Variants in SNX9 observed in about 807,000 individuals in gnomAD.
SNX9 encodes the protein sorting nexin-9.
SNX9 carries 44 observed loss-of-function variants against 89.4 expected under a neutral mutation model. That is an observed-to-expected ratio of 0.49 (90% CI 0.39 to 0.63). The LOEUF (loss-of-function observed/expected upper bound fraction) is 0.63. SNX9 is among the 30% of genes least tolerant of loss of function. The pLI is 0.00. For missense variants in SNX9, 578 were observed against 736.1 expected (o/e 0.79, Z 2.49); for synonymous variants, 236 against 247.8 (o/e 0.95, Z 0.45).
At chr6:157,900,622 T>A (rs1398062437) in intron 5 of SNX9, among the ~76,000 whole-genome samples, 1 of 152,058 alleles carries the variant, frequency 6.6e-6, no homozygotes, top group African/African-American at 2.4e-5. Flanking sequence ...AGTGAGGGAT[T>A]TAGGGTCATT....
chr6:157,913,030 A>G (rs1186503063), intron 9 of SNX9, among the ~76,000 whole-genome samples: 1 of 152,232 alleles, frequency 6.6e-6, no homozygotes, highest in Non-Finnish European at 1.5e-5. Flanking sequence ...AATTTCAACC[A>G]ATGATAGGAT....
chr6:157,845,031 C>T (rs1781778100), intron 1 of SNX9, among the ~76,000 whole-genome samples: 1 of 151,442 alleles, frequency 6.6e-6, no homozygotes, highest in Non-Finnish European at 1.5e-5. Flanking sequence ...CCTTCATTGT[C>T]TCAGTCATAA....
rs1426753738 is a variant in SNX9, at chr6:157,827,029, CAT to C, written c.12+3590_12+3591del. Among the ~76,000 whole-genome samples the C allele has an allele frequency of 1.7e-3, 17 of 10,208 alleles. 2 individuals are homozygous for C. Among genetic ancestry groups the C allele is most frequent in the South Asian group, 5.2e-3 (1 of 192 alleles). 6.7% of individuals were successfully genotyped at this position (10,208 alleles called of 152,430 possible). On this transcript the variant is annotated intron_variant, in intron 1 of 17. Coordinates refer to ENST00000392185, the MANE Select transcript of SNX9 (RefSeq NM_016224.5). The stretch of plus-strand genomic sequence containing the variant: ...TATATTATAGTTTATATAATATATA[CAT>C]ATATATTATAGTTTATATAATATAT...
chr6:157,942,005 G>C (rs905100323), intron 17 of SNX9, among the ~76,000 whole-genome samples: 1 of 152,114 alleles, frequency 6.6e-6, no homozygotes, highest in Non-Finnish European at 1.5e-5. Flanking sequence ...ATAATGCAAG[G>C]GCAACTCTCA....
intron 9 of SNX9, among the ~76,000 whole-genome samples, chr6:157,915,661 A>G (rs1783451800): frequency 7.3e-6 from 1 of 137,092 alleles, no homozygotes; most frequent in African/African-American, 2.8e-5. Flanking sequence ...ATATATACAC[A>G]CACACACACA....
intron 4 of SNX9, among the ~76,000 whole-genome samples, chr6:157,885,610 G>T (rs539718466): frequency 6.6e-6 from 1 of 152,316 alleles, no homozygotes; most frequent in African/African-American, 2.4e-5. Flanking sequence ...ACGTGGTATA[G>T]TCGTAAGATG....
At chr6:157,933,719 A>G (rs1477874232) in intron 13 of SNX9, among the ~76,000 whole-genome samples, 2 of 152,158 alleles carry the variant, frequency 1.3e-5, no homozygotes, top group East Asian at 1.9e-4. Flanking sequence ...TGGCTCTGTG[A>G]TGTCTCAACA....
chr6:157,838,973 A>G (rs1299220389), intron 1 of SNX9, among the ~76,000 whole-genome samples: 1 of 152,234 alleles, frequency 6.6e-6, no homozygotes, highest in Admixed American at 6.5e-5. Flanking sequence ...TTTGATTTCC[A>G]GGTAAGCTGT....
intron 9 of SNX9, among the ~76,000 whole-genome samples, chr6:157,920,633 C>T (rs1783564791): frequency 6.6e-6 from 1 of 152,172 alleles, no homozygotes; most frequent in African/African-American, 2.4e-5. Context: ...TTGTTGATTT[C>T]TAGAGCACTC....
chr6:157,929,306 A>G (rs1383100855), intron 12 of SNX9, among the ~76,000 whole-genome samples: 2 of 152,214 alleles, frequency 1.3e-5, no homozygotes, highest in Non-Finnish European at 2.9e-5. Context: ...CATGTGGCCC[A>G]GGATAGAAAA....
chr6:157,875,278 G>C, intron 4 of SNX9, 102 bp downstream of exon 4: 1 of 1,420,790 alleles, frequency 7.0e-7, no homozygotes, highest in Admixed American at 2.7e-5. Flanking sequence ...TTCCCCAAAA[G>C]CAAAAACAAA....
intron 13 of SNX9, among the ~76,000 whole-genome samples, chr6:157,932,893 A>T (rs1017840770): frequency 6.3e-5 from 9 of 142,976 alleles, no homozygotes; most frequent in Non-Finnish European, 1.2e-4. Flanking sequence ...AAAAAAAAAA[A>T]AGCCAGATTT....
intron 9 of SNX9, among the ~76,000 whole-genome samples, chr6:157,911,918 A>T (rs1318215084): frequency 2.0e-5 from 3 of 152,214 alleles, no homozygotes. Flanking sequence ...TACTGGGTAG[A>T]TAAACACATC....
chr6:157,851,577 G>A (rs192347176), intron 1 of SNX9, among the ~76,000 whole-genome samples: 1 of 152,092 alleles, frequency 6.6e-6, no homozygotes, highest in Non-Finnish European at 1.5e-5. Flanking sequence ...CTCACATAGT[G>A]GAATCATATA....
chr6:157,867,838 A>G (rs1343334981), intron 2 of SNX9, among the ~76,000 whole-genome samples: 5 of 152,224 alleles, frequency 3.3e-5, no homozygotes, highest in African/African-American at 1.2e-4. Flanking sequence ...AAGCTGTTAT[A>G]TAAATACAGG....
At chr6:157,890,711 C>T (rs1417878875) in intron 4 of SNX9, among the ~76,000 whole-genome samples, 2 of 152,232 alleles carry the variant, frequency 1.3e-5, no homozygotes, top group African/African-American at 4.8e-5. Context: ...GCAGGTTACC[C>T]TGATGGACAC....
chr6:157,898,524 C>T (rs1451845856), intron 5 of SNX9, among the ~76,000 whole-genome samples: 1 of 152,132 alleles, frequency 6.6e-6, no homozygotes, highest in Non-Finnish European at 1.5e-5. Flanking sequence ...GAGCCAGAAA[C>T]GTGTATGTGG....
intron 1 of SNX9, among the ~76,000 whole-genome samples, chr6:157,843,604 G>A (rs1781744247): frequency 6.6e-6 from 1 of 152,138 alleles, no homozygotes; most frequent in Admixed American, 6.5e-5. Context: ...CCAGACCTGT[G>A]TTGTTCAAAG....
At chr6:157,903,749 A>G (rs1562612110) in intron 6 of SNX9, among the ~76,000 whole-genome samples, 1 of 145,646 alleles carries the variant, frequency 6.9e-6, no homozygotes, top group Non-Finnish European at 1.5e-5. Flanking sequence ...TTGCTCTCTG[A>G]TTTGCTTATA....
Sources: allele counts gnomAD v4.1 joint callset (sites outside exome capture counted in the v4.1 genomes callset), GRCh38; gene constraint gnomAD v4.1.1; transcripts MANE v1.5; gene names NCBI Gene and HGNC (gene_info 2026-07-23, HGNC 2026-07-21).